Variants in CHLSN observed in about 807,000 individuals in gnomAD.
CHLSN encodes cholesin, also known as protein cholesin.
the CHLSN span, among the ~76,000 whole-genome samples, chr7:1,120,617 C>T: frequency 2.6e-5 from 4 of 152,190 alleles, no homozygotes; most frequent in Non-Finnish European, 2.9e-5. Context: ...AAATTAACCA[C>T]GCACTTACTA....
the CHLSN span, among the ~76,000 whole-genome samples, chr7:995,177 TG>T: frequency 6.6e-6 from 1 of 152,220 alleles, no homozygotes; most frequent in Admixed American, 6.5e-5. Context: ...TGGGGTTGCA[TG>T]GGCGGGTGCC....
the CHLSN span, chr7:1,028,328 G>T: frequency 9.7e-7 from 1 of 1,026,712 alleles, no homozygotes; most frequent in Non-Finnish European, 1.2e-6. Flanking sequence ...AGTGCGCACC[G>T]CCCGGCCCGC....
At chr7:1,082,748 C>T in the CHLSN span, among the ~76,000 whole-genome samples, 1 of 152,218 alleles carries the variant, frequency 6.6e-6, no homozygotes, top group Non-Finnish European at 1.5e-5. Context: ...TCGTAACCCT[C>T]TGGACACAGA....
At chr7:1,007,855 C>G in the CHLSN span, among the ~76,000 whole-genome samples, 1 of 152,134 alleles carries the variant, frequency 6.6e-6, no homozygotes, top group African/African-American at 2.4e-5. Context: ...TCAGGACCTT[C>G]CCGTGGGGTG....
chr7:1,133,409 A>C, the CHLSN span, among the ~76,000 whole-genome samples: 1,118 of 149,536 alleles, frequency 7.5e-3, 11 homozygotes, highest in African/African-American at 0.025. Flanking sequence ...AAAAAAAAAA[A>C]AAAACTATAA....
the CHLSN span, among the ~76,000 whole-genome samples, chr7:1,089,173 A>T: frequency 6.6e-5 from 10 of 152,210 alleles, no homozygotes; most frequent in African/African-American, 2.4e-4. Context: ...CGAAATGCGG[A>T]GTCTTTCAAC....
the CHLSN span, chr7:987,047 T>C: frequency 7.0e-7 from 1 of 1,437,176 alleles, no homozygotes; most frequent in Non-Finnish European, 9.1e-7. Context: ...CTGGGCTGGG[T>C]CTGTGGGGTG....
chr7:1,045,133 C>G, the CHLSN span, among the ~76,000 whole-genome samples: 1 of 152,240 alleles, frequency 6.6e-6, no homozygotes, highest in African/African-American at 2.4e-5. Context: ...CAAAGCTTCA[C>G]TGGAAGGCAG....
chr7:1,127,222 AG>A, the CHLSN span: 3 of 1,563,578 alleles, frequency 1.9e-6, no homozygotes, highest in Non-Finnish European at 2.6e-6. Context: ...GGTGGATCCC[AG>A]AGGGCAGGGC....
At chr7:984,463 A>G in the CHLSN span, 1 of 1,550,944 alleles carries the variant, frequency 6.4e-7, no homozygotes, top group South Asian at 1.2e-5. Flanking sequence ...GCGCCAGAAG[A>G]CGGTGGTGCT....
At chr7:986,632 C>T in the CHLSN span, 130 of 1,612,600 alleles carry the variant, frequency 8.1e-5, no homozygotes, top group Middle Eastern at 9.9e-4. Context: ...AGCTGTTCAA[C>T]GTCTACCCAT....
At chr7:1,021,909 A>C in the CHLSN span, among the ~76,000 whole-genome samples, 7 of 152,148 alleles carry the variant, frequency 4.6e-5, no homozygotes, top group Non-Finnish European at 8.8e-5. Context: ...CAGGAGCCTG[A>C]GGGGCACCCA....
At chr7:1,010,467 C>G in the CHLSN span, among the ~76,000 whole-genome samples, 5 of 152,220 alleles carry the variant, frequency 3.3e-5, no homozygotes, top group African/African-American at 1.2e-4. Context: ...CCACCCCACA[C>G]AGTGTGGGAA....
the CHLSN span, among the ~76,000 whole-genome samples, chr7:999,305 G>A: frequency 6.6e-6 from 1 of 152,220 alleles, no homozygotes; most frequent in Non-Finnish European, 1.5e-5. Context: ...GGCTTGGCCC[G>A]CATGCTGGAA....
the CHLSN span, among the ~76,000 whole-genome samples, chr7:1,135,949 A>ATATATAAGTATATATAAATATATATAAG: frequency 2.3e-5 from 2 of 87,276 alleles, no homozygotes; most frequent in African/African-American, 1.2e-4. Context: ...GTATATATAA[A>ATATATAAGTATATATAAATATATATAAG]TATATATAAA....
At chr7:993,150 G>A in the CHLSN span, among the ~76,000 whole-genome samples, 12 of 152,190 alleles carry the variant, frequency 7.9e-5, no homozygotes, top group Admixed American at 5.2e-4. Flanking sequence ...GCAGCCAGCA[G>A]GGGTACGAGT....
At chr7:1,073,613 T>C in the CHLSN span, among the ~76,000 whole-genome samples, 66 of 152,192 alleles carry the variant, frequency 4.3e-4, 1 homozygote, top group Non-Finnish European at 9.0e-4. Flanking sequence ...AAGAAAGTCC[T>C]TGAAAGTCGC....
chr7:987,270 C>G, the CHLSN span: 1 of 1,504,304 alleles, frequency 6.6e-7, no homozygotes, highest in Non-Finnish European at 8.9e-7. Context: ...CCTGGCGAGA[C>G]GGCTCCTTCT....
the CHLSN span, among the ~76,000 whole-genome samples, chr7:1,063,792 A>G: frequency 6.6e-6 from 1 of 152,188 alleles, no homozygotes; most frequent in Non-Finnish European, 1.5e-5. Flanking sequence ...TAAGTGATGT[A>G]AGGTCCTTCC....
Sources: gnomAD v4.1 joint callset for allele counts (sites outside exome capture counted in the v4.1 genomes callset) on GRCh38, gnomAD v4.1.1 for gene constraint, MANE v1.5 for transcripts, NCBI Gene and HGNC (gene_info 2026-07-23, HGNC 2026-07-21) for gene names.